PCDHA5: variants seen among roughly 807,000 people sequenced by gnomAD.
PCDHA5 encodes protocadherin alpha 5.
PCDHA5 carries 43 observed loss-of-function variants against 61.6 expected under a neutral mutation model. The observed-to-expected ratio is 0.70, with a 90% CI of 0.55 to 0.90. PCDHA5 has a LOEUF of 0.90. Among genes scored for constraint, PCDHA5 ranks in the 40% least tolerant of loss-of-function variants. The pLI is 0.00. For synonymous variants in PCDHA5, 627 were observed against 543.9 expected (o/e 1.15, Z -2.13); for missense variants, 1,298 against 1,222.7 (o/e 1.06, Z -0.92).
chr5:140,869,964 T>A (rs546576795), intron 1 of PCDHA5: 1 of 1,613,046 alleles, frequency 6.2e-7, no homozygotes, highest in African/African-American at 1.3e-5. Context: ...TTAAGCCCAA[T>A]GGAAGACACT....
chr5:140,922,337 T>C lies in PCDHA5; in HGVS notation c.2353-56612T>C, dbSNP rs150639608. On this transcript the variant is annotated intron_variant, in intron 1 of 3. Transcript: ENST00000529859. ...GAAGATCTTGGAAAGGGTTGGTATA[T>C]TGGTATTTTCTAGAGTAGTGATTCT... Among the ~76,000 whole-genome samples the C allele has an allele frequency of 3.4e-3, 512 of 152,346 alleles. 3 individuals carry two copies. The highest frequency in any genetic ancestry group is 0.012 in the African/African-American group (489 of 41,580).
intron 3 of PCDHA5, among the ~76,000 whole-genome samples, chr5:141,007,379 C>G (rs1178671835): frequency 7.1e-6 from 1 of 139,926 alleles, no homozygotes; most frequent in Non-Finnish European, 1.5e-5. Flanking sequence ...GATGGAACAC[C>G]ATCTCTACTA....
intron 1 of PCDHA5, chr5:140,830,788 T>G (rs1554133014): frequency 1.2e-5 from 2 of 161,880 alleles, no homozygotes; most frequent in African/African-American, 4.8e-5. Context: ...TTTTTCTGAT[T>G]AATTATATGG....
intron 1 of PCDHA5, among the ~76,000 whole-genome samples, chr5:140,885,056 C>T (rs1554181973): frequency 6.6e-6 from 1 of 152,106 alleles, no homozygotes; most frequent in East Asian, 1.9e-4. Flanking sequence ...TATACATATA[C>T]CCACAAGATA....
At chr5:140,829,867 G>T (rs2150176588) in intron 1 of PCDHA5, 1 of 1,613,948 alleles carries the variant, frequency 6.2e-7, no homozygotes, top group Non-Finnish European at 8.5e-7. Flanking sequence ...AAGTGGTGGC[G>T]AAGGTGCGCG....
chr5:140,854,575 AT>A (rs1416298079), intron 1 of PCDHA5: 1 of 149,968 alleles, frequency 6.7e-6, no homozygotes, highest in Non-Finnish European at 1.5e-5. Context: ...TGTCATTCAG[AT>A]TTTAATAAAA....
intron 1 of PCDHA5, chr5:140,883,064 G>A (rs2059422329): frequency 1.2e-6 from 2 of 1,614,096 alleles, no homozygotes; most frequent in Non-Finnish European, 1.7e-6. Context: ...CAAGCTAAAT[G>A]CCACAGATCC....
At chr5:140,969,493 C>T (rs1240479958) in intron 1 of PCDHA5, 5 of 1,445,166 alleles carry the variant, frequency 3.5e-6, no homozygotes, top group Non-Finnish European at 4.6e-6. Flanking sequence ...GCTATTTCCT[C>T]TCTAGAAAAA....
intron 1 of PCDHA5, among the ~76,000 whole-genome samples, chr5:140,891,039 AC>A (rs143686625): frequency 0.024 from 3,682 of 152,150 alleles, 153 homozygotes; most frequent in African/African-American, 0.085. Context: ...CTTAGGTGTG[AC>A]CCCCACAGCA....
In PCDHA5 at chr5:140,851,667, T is replaced by A. The variant is rs628871; in HGVS notation, c.2352+27540T>A. 6.8e-5 allele frequency: 62 copies of A among 912,304 alleles called. 4 individuals carry two copies. Among genetic ancestry groups the A allele is most frequent in the Non-Finnish European group, 7.9e-5 (59 of 749,702 alleles). 56.5% of individuals were successfully genotyped at this position (912,304 alleles called of 1,614,324 possible). A position where few individuals can be genotyped will look rare whatever the true frequency, so the allele number is the denominator to read the frequency against. ...TTCAAGAAGACATTCTCCTTTTAAT[T>A]GAAATTTTCTCCATTCAGTGATAAA... is the stretch of plus-strand genomic sequence containing the variant. On this transcript the variant is annotated intron_variant, in intron 1 of 3. Coordinates refer to ENST00000529859, the MANE Select transcript of PCDHA5 (RefSeq NM_018908.3).
chr5:140,980,428 G>A (rs868912779), intron 2 of PCDHA5, among the ~76,000 whole-genome samples: 5 of 152,028 alleles, frequency 3.3e-5, no homozygotes, highest in Admixed American at 2.6e-4. Flanking sequence ...TCAAGAGATC[G>A]AGACCATCCT....
At position 140,836,457 on chromosome 5, in the gene PCDHA5, G is replaced by T. The variant is rs2150261358; in HGVS notation, c.2352+12330G>T. The stretch of plus-strand genomic sequence containing the variant: ...GTTGGGCATTGCAGGCCCAGAGACC[G>T]AGCTGGTGGATGTCAACGTGTACCT... On this transcript the variant is annotated intron_variant, in intron 1 of 3. Coordinates refer to ENST00000529859, the MANE Select transcript of PCDHA5 (RefSeq NM_018908.3). The T allele has an allele frequency of 1.5e-5, 25 of 1,613,812 alleles. No homozygotes were observed. The African/African-American group carries it at 3.1e-4, about 20-fold the overall frequency.
chr5:140,829,995 G>A, intron 1 of PCDHA5: 6 of 1,613,982 alleles, frequency 3.7e-6, no homozygotes, highest in Non-Finnish European at 3.4e-6. Flanking sequence ...AGCACCACTC[G>A]TGTCCTGGAC....
chr5:140,921,741 A>G (rs1437643098), intron 1 of PCDHA5, among the ~76,000 whole-genome samples: 1 of 152,202 alleles, frequency 6.6e-6, no homozygotes, highest in Non-Finnish European at 1.5e-5. Context: ...AATTATAAGC[A>G]TAACAGGACA....
chr5:140,962,825 G>A (rs962485906), intron 1 of PCDHA5, among the ~76,000 whole-genome samples: 1 of 152,194 alleles, frequency 6.6e-6, no homozygotes, highest in Non-Finnish European at 1.5e-5. Flanking sequence ...ATGACCATTT[G>A]TCTCTTTTTT....
intron 1 of PCDHA5, chr5:140,875,272 A>G: frequency 1.6e-6 from 2 of 1,265,056 alleles, no homozygotes; most frequent in Non-Finnish European, 2.1e-6. Context: ...CTCTACACTC[A>G]GAAGGTGAAA....
intron 1 of PCDHA5, chr5:140,853,279 A>T: frequency 1.0e-6 from 1 of 979,476 alleles, no homozygotes; most frequent in African/African-American, 1.8e-5. Flanking sequence ...CTCTCATCAT[A>T]TGCAAATTCT....
chr5:140,826,151 AT>A (rs1354366047), intron 1 of PCDHA5, among the ~76,000 whole-genome samples: 3 of 152,210 alleles, frequency 2.0e-5, no homozygotes, highest in African/African-American at 7.2e-5. Flanking sequence ...AGTCCTAGAA[AT>A]TGAGAAATAG....
At chr5:141,004,449 A>G (rs2098166973) in intron 3 of PCDHA5, among the ~76,000 whole-genome samples, 1 of 152,180 alleles carries the variant, frequency 6.6e-6, no homozygotes. Flanking sequence ...GTCATATAGA[A>G]CCAGGAAGCT....
Sources: gnomAD v4.1 joint callset for allele counts (sites outside exome capture counted in the v4.1 genomes callset) on GRCh38, gnomAD v4.1.1 for gene constraint, MANE v1.5 for transcripts, NCBI Gene and HGNC (gene_info 2026-07-23, HGNC 2026-07-21) for gene names.